Variants in TTLL8 observed in about 807,000 individuals in gnomAD.
TTLL8 encodes the protein protein monoglycylase TTLL8.
In TTLL8, 65 loss-of-function variants were observed where a neutral mutation model predicts 77.8. That is an observed-to-expected ratio of 0.84 (90% CI 0.68 to 1.03). The LOEUF is 1.03. Among genes scored for constraint, TTLL8 ranks in the 50% least tolerant of loss-of-function variants. The pLI is 0.00. For missense variants in TTLL8, 910 were observed against 1,004.5 expected (o/e 0.91, Z 1.27); for synonymous variants, 402 against 422.8 (o/e 0.95, Z 0.60).
intron 1 of TTLL8, 73 bp from the exon 4 acceptor site, chr22:50,050,320 T>C (rs2061437711): frequency 8.7e-7 from 1 of 1,148,648 alleles, no homozygotes; most frequent in Admixed American, 2.4e-5. Flanking sequence ...GTTGCATGGA[T>C]AAGCTTGTTA....
intron 8 of TTLL8, among the ~76,000 whole-genome samples, chr22:50,038,283 AT>A (rs907922124): frequency 6.6e-6 from 1 of 151,958 alleles, no homozygotes; most frequent in Non-Finnish European, 1.5e-5. Flanking sequence ...TAAATATTAA[AT>A]TTTTTATATG....
intron 12 of TTLL8, among the ~76,000 whole-genome samples, chr22:50,028,653 C>T (rs866703057): frequency 1.7e-3 from 100 of 59,488 alleles, no homozygotes; most frequent in Middle Eastern, 0.012. Flanking sequence ...GACCCCATCA[C>T]ACCATCCTAA....
At chr22:50,056,499 C>G (rs1392204078), upstream of TTLL8, among the ~76,000 whole-genome samples, 1 of 152,154 alleles carries the variant, frequency 6.6e-6, no homozygotes, top group African/African-American at 2.4e-5. The surrounding 1 kb of genome is among the most constrained non-coding windows in gnomAD (Gnocchi z 4.1). Context: ...AGTCATTTGA[C>G]TCCTAGGGAG....
At chr22:50,043,391 G>A (rs1389280238) in intron 6 of TTLL8, among the ~76,000 whole-genome samples, 4 of 43,828 alleles carry the variant, frequency 9.1e-5, no homozygotes, top group Admixed American at 6.8e-4. Flanking sequence ...AAACAGTGGT[G>A]CCGAGACGTC....
At chr22:50,039,154 T>C (rs933681900) in intron 8 of TTLL8, among the ~76,000 whole-genome samples, 6 of 152,206 alleles carry the variant, frequency 3.9e-5, no homozygotes, top group African/African-American at 1.4e-4. Flanking sequence ...GATATCAGGC[T>C]TTTCTGGCCT....
rs749620205 is a variant in TTLL8, at chr22:50,034,502, G to A, written c.922-40C>T. The stretch of plus-strand genomic sequence containing the variant: ...TTCTTGAATTGGAGATGAAAGCATC[G>A]CCACTACAAAGCAAGATCCAGAAAG... On this transcript the variant is annotated intron_variant, in intron 8 of 13. Coordinates refer to ENST00000266182, the Ensembl canonical transcript of TTLL8. The surrounding 1 kb of genome is among the most constrained non-coding windows in gnomAD (Gnocchi z 4.1). 1.9e-5 allele frequency: 26 copies of A among 1,351,490 alleles called. No homozygotes were observed. The highest frequency in any genetic ancestry group is 4.6e-5 in the East Asian group (1 of 21,744). The allele number at this position is 1,351,490 out of a possible 1,614,324, so 83.7% of individuals were successfully genotyped here.
rs2061323065 is a variant in TTLL8, at chr22:50,034,591, G to C, written c.922-129C>G. ...CAAGCAGGCGCTCGGCTCTAGGATG[G>C]TCTGGGGCTGGCCTGGCGGGAAAGG... is the stretch of plus-strand genomic sequence containing the variant. On this transcript the variant is annotated intron_variant, in intron 8 of 13. Coordinates refer to ENST00000266182, the Ensembl canonical transcript of TTLL8. This position sits in a 1 kb window ranked among gnomAD's most constrained non-coding sequence, Gnocchi z 4.1. 2.0e-6 allele frequency: 2 copies of C among 1,007,472 alleles called. No homozygotes were observed. The highest frequency in any genetic ancestry group is 2.9e-5 in the Admixed American group (1 of 35,034). The allele number at this position is 1,007,472 out of a possible 1,614,324, so 62.4% of individuals were successfully genotyped here.
chr22:50,057,071 G>A (rs926403191), upstream of TTLL8: 31 of 855,088 alleles, frequency 3.6e-5, no homozygotes, highest in South Asian at 8.5e-5. Flanking sequence ...GTCAGGTCTG[G>A]GGTTGGGGAT....
Position 50,041,398 on chromosome 22 carries a change from C to A in TTLL8, c.831-121G>T. The A allele has an allele frequency of 2.1e-6, 2 of 952,718 alleles. No individual in the cohort carries two copies. Among genetic ancestry groups the A allele is most frequent in the Non-Finnish European group, 2.9e-6 (2 of 683,276 alleles). 59.0% of individuals were successfully genotyped at this position (952,718 alleles called of 1,614,324 possible). A position where few individuals can be genotyped will look rare whatever the true frequency, so the allele number is the denominator to read the frequency against. On this transcript the variant is annotated intron_variant, in intron 7 of 13. Coordinates refer to ENST00000266182, the Ensembl canonical transcript of TTLL8. This position sits in a 1 kb window ranked among gnomAD's most constrained non-coding sequence, Gnocchi z 4.3. Reference sequence around the variant, plus strand: ...TCCAGACAGACACCCCAATACCCAACAAGTATCCCAGACATCCAGACAGAC... The same window carrying A: ...TCCAGACAGACACCCCAATACCCAAAAAGTATCCCAGACATCCAGACAGAC...
upstream of TTLL8, chr22:50,055,166 C>T (rs1264674358): frequency 1.6e-6 from 2 of 1,259,784 alleles, no homozygotes; most frequent in Non-Finnish European, 2.1e-6. Flanking sequence ...GGACAGATTC[C>T]AAGTTCCAAA....
chr22:50,052,372 G>T (rs576269488), intron 1 of TTLL8, among the ~76,000 whole-genome samples: 6 of 152,264 alleles, frequency 3.9e-5, no homozygotes, highest in East Asian at 1.9e-4. Flanking sequence ...ACCACCAAAG[G>T]AATAAAAACA....
intron 1 of TTLL8, among the ~76,000 whole-genome samples, chr22:50,053,209 G>A (rs1181030493): frequency 1.2e-4 from 17 of 137,060 alleles, no homozygotes; most frequent in East Asian, 4.1e-4. Flanking sequence ...GTGACAGAGC[G>A]AGACTCCATC....
intron 12 of TTLL8, among the ~76,000 whole-genome samples, chr22:50,020,790 GCCATCTGACAACATGCACTCCT>G (rs1347020942): frequency 2.7e-5 from 2 of 75,404 alleles, no homozygotes; most frequent in Non-Finnish European, 5.3e-5. Flanking sequence ...CGTGCACTCC[GCCATCTGACAACATGCACTCCT>G]CCATCTGACG....
At chr22:50,048,557 T>G (rs1402657463) in intron 3 of TTLL8, among the ~76,000 whole-genome samples, 1 of 152,110 alleles carries the variant, frequency 6.6e-6, no homozygotes, top group African/African-American at 2.4e-5. Context: ...TCCACACCAC[T>G]GCCCACGGAC....
In TTLL8 at chr22:50,035,856, GC is replaced by G. The variant is rs375899957; in HGVS notation, c.922-1395del. Among the ~76,000 whole-genome samples, 100 of 152,352 alleles carry G rather than the reference GC, an allele frequency of 6.6e-4. No individual in the cohort carries two copies. In the South Asian group the frequency reaches 7.7e-3, roughly 12 times the overall value. ...CCTCACAGCCTCCCAGGACAGCCCA[GC>G]CCCGAGCCTGTGACAGCCCTCACAT... On this transcript the variant is annotated intron_variant, in intron 8 of 13. Coordinates refer to ENST00000266182, the Ensembl canonical transcript of TTLL8.
Position 50,045,852 on chromosome 22 carries a change from T to C in TTLL8, c.508+4A>G. The C allele has an allele frequency of 7.4e-7, 1 of 1,343,286 alleles. No individual in the cohort carries two copies. Among genetic ancestry groups the C allele is most frequent in the Non-Finnish European group, 9.9e-7 (1 of 1,013,144 alleles). The allele number at this position is 1,343,286 out of a possible 1,614,324, so 83.2% of individuals were successfully genotyped here. On this transcript the variant is annotated splice_donor_region_variant and intron_variant, in intron 5 of 13. Coordinates refer to ENST00000266182, the Ensembl canonical transcript of TTLL8. ...CTGGGGCCCTCTGCCGTCTCCTCAC[T>C]TACCCAGGAACTCCTGCTGCTCACT...
Position 50,044,742 on chromosome 22 carries a change from G to C in TTLL8, c.643+513C>G, listed in dbSNP as rs994052069. ...AATCTTGTACCCTCTGCTCAGCTGT[G>C]CTGTGAACCTAAAACTGCTCTAGAA... On this transcript the variant is annotated intron_variant, in intron 6 of 13. Transcript: ENST00000266182. This position sits in a 1 kb window ranked among gnomAD's most constrained non-coding sequence, Gnocchi z 4.2. 6.6e-6 allele frequency among the ~76,000 whole-genome samples: 1 copy of C among 152,198 alleles called. No homozygotes were observed. Among genetic ancestry groups the C allele is most frequent in the African/African-American group, 2.4e-5 (1 of 41,452 alleles).
chr22:50,057,675 T>G (rs1157686858), upstream of TTLL8, among the ~76,000 whole-genome samples: 1 of 70,250 alleles, frequency 1.4e-5, no homozygotes, highest in African/African-American at 8.5e-5. Context: ...CAGGTCTGGG[T>G]TTTTGGGGTC....
intron 12 of TTLL8, chr22:50,030,053 G>T: frequency 1.6e-6 from 1 of 639,894 alleles, no homozygotes; most frequent in Non-Finnish European, 1.9e-6. Context: ...CGGTCACTTT[G>T]GCCCCTCGCT....
Sources: gnomAD v4.1 joint callset for allele counts (sites outside exome capture counted in the v4.1 genomes callset) on GRCh38, gnomAD v4.1.1 for gene constraint, Gnocchi (gnomAD v3.1) non-coding constraint, MANE v1.5 for transcripts, NCBI Gene and HGNC (gene_info 2026-07-23, HGNC 2026-07-21) for gene names.